SH3PXD2B: variants seen among roughly 807,000 people sequenced by gnomAD.
SH3PXD2B encodes the protein SH3 and PX domains 2B, also known as SH3 and PX domain-containing protein 2B.
SH3PXD2B carries 37 observed loss-of-function variants against 73.1 expected under a neutral mutation model. The observed-to-expected ratio is 0.51, with a 90% CI of 0.39 to 0.67. The LOEUF (loss-of-function observed/expected upper bound fraction) is 0.67. SH3PXD2B is among the 30% of genes least tolerant of loss of function. The pLI, the probability that SH3PXD2B is intolerant of heterozygous loss-of-function variation, is 0.00. For missense variants in SH3PXD2B, 1,053 were observed against 1,197.8 expected (o/e 0.88, Z 1.78); for synonymous variants, 457 against 480.5 (o/e 0.95, Z 0.64).
At chr5:172,390,808 C>A (rs1758166531) in intron 4 of SH3PXD2B, among the ~76,000 whole-genome samples, 1 of 140,036 alleles carries the variant, frequency 7.1e-6, no homozygotes. Flanking sequence ...AAGTAGCTTC[C>A]CGTCTTTTGT....
chr5:172,355,384 G>C (rs960696445), intron 8 of SH3PXD2B, among the ~76,000 whole-genome samples: 1 of 152,210 alleles, frequency 6.6e-6, no homozygotes, highest in African/African-American at 2.4e-5. Flanking sequence ...GCTGGGCTGG[G>C]AGGGGTGGAG....
rs113456682 is a variant in SH3PXD2B, at chr5:172,445,991, C to T, written c.75+8287G>A. Among the ~76,000 whole-genome samples the T allele has an allele frequency of 3.6e-4, 55 of 152,344 alleles. No homozygotes were observed. The highest frequency in any genetic ancestry group is 1.2e-3 in the African/African-American group (50 of 41,576). The stretch of plus-strand genomic sequence containing the variant: ...GAGGCAGCCACACGAGCCCTGCCCC[C>T]GGCCCACTGCTGGAGGCACTGAGCC... On this transcript the variant is annotated intron_variant, in intron 1 of 12. Coordinates refer to ENST00000311601, the MANE Select transcript of SH3PXD2B (RefSeq NM_001017995.3). The surrounding 1 kb of genome is among the most constrained non-coding windows in gnomAD (Gnocchi z 5.2).
intron 1 of SH3PXD2B, among the ~76,000 whole-genome samples, chr5:172,432,641 G>A (rs1039994855): frequency 6.6e-6 from 1 of 152,120 alleles, no homozygotes; most frequent in African/African-American, 2.4e-5. Flanking sequence ...GGATTGACTG[G>A]CTGGGTGCGG....
chr5:172,416,084 T>C (rs935176565), intron 2 of SH3PXD2B, among the ~76,000 whole-genome samples: 6 of 152,110 alleles, frequency 3.9e-5, no homozygotes, highest in African/African-American at 1.4e-4. Flanking sequence ...TCCCAGCACT[T>C]TGGGAGGCCG....
rs187804843 is a variant in SH3PXD2B at position 172,347,179 on chromosome 5, A to G, written c.1062+104T>C. The G allele has an allele frequency of 3.9e-4, 451 of 1,166,562 alleles. 1 individual carries two copies. In the African/African-American group the frequency reaches 5.9e-3, roughly 15 times the overall value. 72.3% of individuals were successfully genotyped at this position (1,166,562 alleles called of 1,614,324 possible). ...TTCACAAGGCTGTTGTGTGGACAGG[A>G]AAGAGAGCATTTCTGGAAGGGCGAG... On this transcript the variant is annotated intron_variant, in intron 11 of 12. Coordinates refer to ENST00000311601, the MANE Select transcript of SH3PXD2B (RefSeq NM_001017995.3).
intron 2 of SH3PXD2B, 60 bp from the exon 3 acceptor site, chr5:172,406,412 G>C (rs887354892): frequency 6.4e-7 from 1 of 1,558,002 alleles, no homozygotes; most frequent in South Asian, 1.1e-5. Context: ...ACATCATCTA[G>C]GACATTTTAA....
At chr5:172,444,402 T>A (rs989819112) in intron 1 of SH3PXD2B, among the ~76,000 whole-genome samples, 5 of 152,156 alleles carry the variant, frequency 3.3e-5, no homozygotes, top group Non-Finnish European at 7.4e-5. Context: ...GTTAGCCAGG[T>A]CTGTTTCTGT....
At chr5:172,358,707 CAA>C (rs1757333650) in intron 8 of SH3PXD2B, 64 bp downstream of exon 8, 5 of 1,445,844 alleles carry the variant, frequency 3.5e-6, no homozygotes, top group African/African-American at 1.4e-5. Context: ...GATGAAAAGG[CAA>C]CCCAGTATAG....
At chr5:172,400,403 TCGGGAGAA>T (rs1444774143) in intron 3 of SH3PXD2B, among the ~76,000 whole-genome samples, 2 of 152,220 alleles carry the variant, frequency 1.3e-5, no homozygotes, top group Non-Finnish European at 2.9e-5. Context: ...TTATTTCTTA[TCGGGAGAA>T]CGAGAATCAT....
intron 5 of SH3PXD2B, among the ~76,000 whole-genome samples, chr5:172,381,523 C>G (rs1429169118): frequency 6.6e-6 from 1 of 152,138 alleles, no homozygotes; most frequent in Non-Finnish European, 1.5e-5. Context: ...GGGCAAGTGG[C>G]CTGTCCACTG....
intron 6 of SH3PXD2B, among the ~76,000 whole-genome samples, chr5:172,364,400 C>T (rs1757464222): frequency 6.6e-6 from 1 of 152,166 alleles, no homozygotes; most frequent in Admixed American, 6.5e-5. Context: ...CGTGGTGGCT[C>T]ATGTCTGTAA....
rs1376414024 is a variant in SH3PXD2B, at chr5:172,339,141, G to C, written c.1964C>G (p.Pro655Arg). The C allele has an allele frequency of 6.2e-7, 1 of 1,614,116 alleles. No homozygotes were observed. Among genetic ancestry groups the C allele is most frequent in the African/African-American group, 1.3e-5 (1 of 74,946 alleles). The change falls in exon 13 of 13, where the codon CCT becomes CGT. Residue 655 changes from proline (P) to arginine (R), a missense_variant. Transcript: ENST00000311601. The surrounding 1 kb of genome is among the most constrained non-coding windows in gnomAD (Gnocchi z 6.1). ...GATGTCGACTTGGTCTTCGCCCTGA[G>C]GTGGCTCCGTTTTGGGGGAAGGAGC... ...KPAPSPKTEP[P>R]QGEDQVDICN...
intron 1 of SH3PXD2B, among the ~76,000 whole-genome samples, chr5:172,439,698 A>ACGCGCGCGCG (rs1561584017): frequency 1.8e-3 from 198 of 111,608 alleles, no homozygotes; most frequent in African/African-American, 7.3e-3. Context: ...GCGCGCACAC[A>ACGCGCGCGCG]CACACACACA....
At chr5:172,371,111 C>G (rs1757694515) in intron 6 of SH3PXD2B, among the ~76,000 whole-genome samples, 1 of 152,158 alleles carries the variant, frequency 6.6e-6, no homozygotes, top group African/African-American at 2.4e-5. Flanking sequence ...TTATCTACCA[C>G]AGAAGTTTTC....
chr5:172,368,470 A>ATATATATATATATATAAAATATATATAT (rs1757579790), intron 6 of SH3PXD2B, among the ~76,000 whole-genome samples: 5 of 24,524 alleles, frequency 2.0e-4, no homozygotes, highest in Non-Finnish European at 3.2e-4. Context: ...TATATATATT[A>ATATATATATATATATAAAATATATATAT]TATATATATA....
chr5:172,439,293 C>CAAAAAAAAAAAAAAAA (rs1233319484), intron 1 of SH3PXD2B, among the ~76,000 whole-genome samples: 2 of 61,586 alleles, frequency 3.2e-5, no homozygotes, highest in African/African-American at 1.7e-4. Context: ...AAAAAAAAAC[C>CAAAAAAAAAAAAAAAA]CCAAAAAAAA....
Position 172,358,886 on chromosome 5 carries a change from G to C in SH3PXD2B, c.563-9C>G. On this transcript the variant is annotated splice_polypyrimidine_tract_variant and intron_variant, in intron 7 of 12. Coordinates refer to ENST00000311601, the MANE Select transcript of SH3PXD2B (RefSeq NM_001017995.3). ...GCTGACGAACCACCAACCTGGGGAA[G>C]CAAGAGTGCAGAATGATGTTAGTTG... is the stretch of plus-strand genomic sequence containing the variant. 6.2e-7 allele frequency: 1 copy of C among 1,613,256 alleles called. No individual in the cohort carries two copies. The highest frequency in any genetic ancestry group is 8.5e-7 in the Non-Finnish European group (1 of 1,179,482).
chr5:172,366,931 C>CTTTTTTTTTT (rs1226783777), intron 6 of SH3PXD2B, among the ~76,000 whole-genome samples: 18 of 69,652 alleles, frequency 2.6e-4, no homozygotes, highest in Admixed American at 8.5e-4. Flanking sequence ...CGTGCCCGGC[C>CTTTTTTTTTT]ATTTTTTTTT....
At chr5:172,346,398 ACAC>A in intron 11 of SH3PXD2B, 137 bp from the exon 12 acceptor site, 1 of 1,351,662 alleles carries the variant, frequency 7.4e-7, no homozygotes, top group East Asian at 2.3e-5. Context: ...CTAAGGGACA[ACAC>A]AAATAGGACC....
Sources: allele counts gnomAD v4.1 joint callset (sites outside exome capture counted in the v4.1 genomes callset), GRCh38; gene constraint gnomAD v4.1.1; non-coding constraint Gnocchi (gnomAD v3.1); transcripts MANE v1.5; gene names NCBI Gene and HGNC (gene_info 2026-07-23, HGNC 2026-07-21).